Variants in ADGRB3 observed in about 807,000 individuals in gnomAD.
ADGRB3 encodes adhesion G protein-coupled receptor B3.
A neutral mutation model predicts 193.4 loss-of-function variants in ADGRB3; 37 were observed. The ratio of observed to expected loss-of-function variants is 0.19; its 90% CI spans 0.15 to 0.25. The LOEUF is 0.25. Among genes scored for constraint, ADGRB3 ranks in the 10% least tolerant of loss-of-function variants. The pLI, the probability that ADGRB3 is intolerant of heterozygous loss-of-function variation, is 1.00. For synonymous variants in ADGRB3, 690 were observed against 644.2 expected (o/e 1.07, Z -1.08); for missense variants, 1,637 against 1,852.9 (o/e 0.88, Z 2.14).
intron 13 of ADGRB3, among the ~76,000 whole-genome samples, chr6:69,047,439 CTT>C (rs1198418242): frequency 2.7e-5 from 4 of 150,324 alleles, no homozygotes; most frequent in African/African-American, 2.4e-5. Flanking sequence ...TATTACTAAA[CTT>C]ATCATTCATA....
intron 20 of ADGRB3, among the ~76,000 whole-genome samples, chr6:69,320,244 T>G (rs1220649502): frequency 1.3e-5 from 2 of 151,534 alleles, no homozygotes; most frequent in African/African-American, 4.8e-5. Context: ...TTCCTGATAT[T>G]ATTTTCAATT....
At chr6:68,807,540 G>T (rs941013610) in intron 3 of ADGRB3, among the ~76,000 whole-genome samples, 6 of 151,928 alleles carry the variant, frequency 3.9e-5, no homozygotes, top group African/African-American at 1.4e-4. Flanking sequence ...GCGCCTGGCC[G>T]GATGTTAATT....
chr6:69,102,177 CAAAA>C (rs777752874), intron 17 of ADGRB3, among the ~76,000 whole-genome samples: 3 of 91,108 alleles, frequency 3.3e-5, no homozygotes, highest in Non-Finnish European at 2.1e-5. Context: ...GACTCCGTCT[CAAAA>C]AAAAAAAAAA....
At chr6:69,196,121 C>G (rs531798194) in intron 17 of ADGRB3, among the ~76,000 whole-genome samples, 64 of 152,172 alleles carry the variant, frequency 4.2e-4, no homozygotes, top group African/African-American at 1.5e-3. Flanking sequence ...TGTTTGGAGT[C>G]AGATGTAAAT....
At chr6:68,806,398 T>G (rs894838126) in intron 3 of ADGRB3, among the ~76,000 whole-genome samples, 2 of 152,116 alleles carry the variant, frequency 1.3e-5, no homozygotes, top group Non-Finnish European at 2.9e-5. Context: ...GGTTATATAA[T>G]GGTCTAGAGA....
At chr6:68,715,990 G>A (rs1438511796) in intron 3 of ADGRB3, among the ~76,000 whole-genome samples, 3 of 151,492 alleles carry the variant, frequency 2.0e-5, no homozygotes, top group Middle Eastern at 3.2e-3. Flanking sequence ...CTGTCTAAAC[G>A]TCAAAAAAAT....
At chr6:69,198,849 AATTG>A (rs1224239760) in intron 17 of ADGRB3, among the ~76,000 whole-genome samples, 1 of 152,176 alleles carries the variant, frequency 6.6e-6, no homozygotes, top group Non-Finnish European at 1.5e-5. Context: ...CAGATAAATT[AATTG>A]ATTAATTGCT....
chr6:68,744,220 A>G (rs1427552860), intron 3 of ADGRB3, among the ~76,000 whole-genome samples: 1 of 152,120 alleles, frequency 6.6e-6, no homozygotes, highest in African/African-American at 2.4e-5. Flanking sequence ...AACTTTTTTT[A>G]ATGAATAAAT....
chr6:69,369,319 C>T (rs1437859434), intron 29 of ADGRB3, among the ~76,000 whole-genome samples: 3 of 152,106 alleles, frequency 2.0e-5, no homozygotes, highest in East Asian at 1.9e-4. Flanking sequence ...TGTATACCAA[C>T]GGTGGAAACA....
chr6:68,644,346 T>C (rs1452157631), intron 3 of ADGRB3, among the ~76,000 whole-genome samples: 6 of 152,180 alleles, frequency 3.9e-5, no homozygotes, highest in Non-Finnish European at 8.8e-5. Flanking sequence ...TCTTAATTAT[T>C]TATATGTTTA....
intron 11 of ADGRB3, among the ~76,000 whole-genome samples, chr6:69,002,143 C>T (rs569005752): frequency 7.3e-5 from 11 of 151,468 alleles, no homozygotes; most frequent in African/African-American, 1.5e-4. Context: ...ATATTCTAAA[C>T]GAATGATCAG....
intron 12 of ADGRB3, 143 bp from the exon 13 acceptor site, chr6:69,018,248 A>G (rs1770154928): frequency 2.0e-6 from 1 of 497,516 alleles, no homozygotes; most frequent in African/African-American, 1.9e-5. Context: ...TTAATTTAAA[A>G]AATACAGCTA....
intron 13 of ADGRB3, among the ~76,000 whole-genome samples, chr6:69,029,675 T>C (rs574831348): frequency 6.6e-6 from 1 of 152,302 alleles, no homozygotes; most frequent in African/African-American, 2.4e-5. Context: ...ATGAAATGAC[T>C]ATAACAGAGA....
At chr6:68,845,292 C>G (rs1768252196) in intron 3 of ADGRB3, among the ~76,000 whole-genome samples, 1 of 151,868 alleles carries the variant, frequency 6.6e-6, no homozygotes, top group African/African-American at 2.4e-5. Flanking sequence ...AAGATAAAAC[C>G]ATTTGATGAT....
intron 3 of ADGRB3, among the ~76,000 whole-genome samples, chr6:68,657,804 G>A (rs1768526464): frequency 6.6e-6 from 1 of 151,248 alleles, no homozygotes; most frequent in Non-Finnish European, 1.5e-5. Context: ...CTTAATTCAG[G>A]TAATATCAGC....
At chr6:68,743,096 T>A (rs1766012613) in intron 3 of ADGRB3, among the ~76,000 whole-genome samples, 1 of 152,062 alleles carries the variant, frequency 6.6e-6, no homozygotes, top group Non-Finnish European at 1.5e-5. Context: ...CACATTTCTT[T>A]AGCTCAGAAA....
intron 20 of ADGRB3, among the ~76,000 whole-genome samples, chr6:69,245,378 T>C (rs757611034): frequency 3.9e-5 from 6 of 152,110 alleles, no homozygotes; most frequent in Non-Finnish European, 5.9e-5. Flanking sequence ...TTGAAGCATA[T>C]TTTGTTTATC....
intron 17 of ADGRB3, among the ~76,000 whole-genome samples, chr6:69,132,418 GTTTTA>G (rs1230076329): frequency 6.6e-6 from 1 of 152,116 alleles, no homozygotes; most frequent in African/African-American, 2.4e-5. Flanking sequence ...CCACATAAAT[GTTTTA>G]TTTTGAGAAG....
At chr6:68,857,200 G>C (rs1033625897) in intron 3 of ADGRB3, among the ~76,000 whole-genome samples, 30 of 152,346 alleles carry the variant, frequency 2.0e-4, no homozygotes, top group African/African-American at 7.2e-4. Flanking sequence ...ATGTGGGGTT[G>C]GAGCCCCCAC....
Sources: gnomAD v4.1 joint callset for allele counts (sites outside exome capture counted in the v4.1 genomes callset) on GRCh38, gnomAD v4.1.1 for gene constraint, MANE v1.5 for transcripts, NCBI Gene and HGNC (gene_info 2026-07-23, HGNC 2026-07-21) for gene names.